SP110: variants seen among roughly 807,000 people sequenced by gnomAD.
SP110 encodes SP110 nuclear body protein, also known as interferon-induced protein 41, 30kD.
A neutral mutation model predicts 92.7 loss-of-function variants in SP110; 62 were observed. That is an observed-to-expected ratio of 0.67 (90% CI 0.55 to 0.83). SP110 has a LOEUF of 0.83. SP110 is among the 40% of genes least tolerant of loss of function. SP110 has a pLI of 0.00. For missense variants in SP110, 793 were observed against 863.9 expected, an observed-to-expected ratio of 0.92 and a Z score of 1.03; for synonymous variants, 273 against 305.3, an observed-to-expected ratio of 0.89 and a Z score of 1.10.
intron 8 of SP110, among the ~76,000 whole-genome samples, chr2:230,204,429 T>A (rs2043530580): frequency 6.6e-6 from 1 of 152,170 alleles, no homozygotes; most frequent in Non-Finnish European, 1.5e-5. Flanking sequence ...TATGGGATAA[T>A]AAGAATTTGG....
rs769837823 is a variant in SP110, at chr2:230,212,927, C to T, written c.417G>A (p.Leu139=). 17 of 1,613,862 alleles carry T rather than the reference C, an allele frequency of 1.1e-5. No homozygotes were observed. The East Asian group carries it at 3.8e-4, about 36-fold the overall frequency. The change falls in exon 4 of 19, where the codon CTG becomes CTA. Residue 139 remains leucine (L), a synonymous_variant. Transcript: ENST00000258381. ...TTGGTTGAGGGGGTTGTGGTGGGGGCAGCGCCAGTGGGGTATGGAGGGAGC... is the reference window on the plus strand; with the variant it reads ...TTGGTTGAGGGGGTTGTGGTGGGGGTAGCGCCAGTGGGGTATGGAGGGAGC... ...EGSSLHTPLA[L]PPPQPPQPSC...
chr2:230,192,477 C>A (rs974974456), intron 10 of SP110, among the ~76,000 whole-genome samples: 3 of 152,174 alleles, frequency 2.0e-5, no homozygotes, highest in East Asian at 3.9e-4. Flanking sequence ...CACAAGTATG[C>A]CTTTACACCA....
rs1284510256 is a variant in SP110 at position 230,165,897 on chromosome 2, T to TC, written c.*3226_*3227insG. Among the ~76,000 whole-genome samples the TC allele has an allele frequency of 6.1e-5, 9 of 147,886 alleles. No individual in the cohort carries two copies. The highest frequency in any genetic ancestry group is 6.1e-4 in the Admixed American group (9 of 14,832). The stretch of plus-strand genomic sequence containing the variant: ...CAGAAATAAGACCACCTATATAACT[T>TC]TTTTTTTTTTTTTTGAAACAGAGTC... On this transcript the variant is annotated 3_prime_UTR_variant, in exon 19 of 19. Transcript: ENST00000258381.
chr2:230,169,896 T>C (rs2078388032), intron 18 of SP110, among the ~76,000 whole-genome samples: 1 of 152,194 alleles, frequency 6.6e-6, no homozygotes, highest in Non-Finnish European at 1.5e-5. Context: ...TGAGTGGCTC[T>C]CTGGTCAACC....
At chr2:230,221,775 TC>T, upstream of SP110, 1 of 1,503,968 alleles carries the variant, frequency 6.6e-7, no homozygotes, top group South Asian at 1.2e-5. Context: ...AAGAACTTCT[TC>T]CTTTAGATCT....
chr2:230,213,692 T>C (rs921663403), intron 3 of SP110: 20 of 152,506 alleles, frequency 1.3e-4, no homozygotes, highest in African/African-American at 4.8e-4. Flanking sequence ...AAAAGGAAAG[T>C]AACTTCAAAT....
chr2:230,206,615 A>ATATG (rs1354034823), intron 8 of SP110, among the ~76,000 whole-genome samples: 1 of 78,148 alleles, frequency 1.3e-5, no homozygotes, highest in African/African-American at 3.9e-5. Flanking sequence ...ATATATATAT[A>ATATG]TATATATATA....
intron 10 of SP110, among the ~76,000 whole-genome samples, chr2:230,188,654 A>T (rs2042470085): frequency 6.6e-6 from 1 of 152,178 alleles, no homozygotes; most frequent in Admixed American, 6.5e-5. Context: ...ACTTTGAGGT[A>T]AGCCCCTTCT....
At chr2:230,221,287 A>C (rs545413180), upstream of SP110, among the ~76,000 whole-genome samples, 4 of 152,150 alleles carry the variant, frequency 2.6e-5, no homozygotes, top group African/African-American at 9.6e-5. Flanking sequence ...TCTCGAAAAA[A>C]AAAAAAAAAA....
intron 17 of SP110, 27 bp downstream of exon 17, chr2:230,171,669 G>A: frequency 6.3e-7 from 1 of 1,576,918 alleles, no homozygotes; most frequent in Non-Finnish European, 8.7e-7. Context: ...TGCATTTTAT[G>A]CAAGAGAACC....
At position 230,218,488 on chromosome 2, in the gene SP110, A is replaced by G. The variant is rs1399500831; in HGVS notation, c.-2+1386T>C. Among the ~76,000 whole-genome samples, 4 of 152,228 alleles carry G rather than the reference A, an allele frequency of 2.6e-5. No homozygotes were observed. In the South Asian group the frequency reaches 6.2e-4, roughly 24 times the overall value. Reference sequence around the variant, plus strand: ...TCCACAATATGCACAGGGGAAGGAGATAGTGCAAAGATCAGTGCAAAGTCA... The same window carrying G: ...TCCACAATATGCACAGGGGAAGGAGGTAGTGCAAAGATCAGTGCAAAGTCA... On this transcript the variant is annotated intron_variant, in intron 1 of 18. Coordinates refer to ENST00000258381, the MANE Select transcript of SP110 (RefSeq NM_080424.4).
At chr2:230,217,561 A>G (rs996299601) in intron 1 of SP110, among the ~76,000 whole-genome samples, 1 of 152,228 alleles carries the variant, frequency 6.6e-6, no homozygotes, top group African/African-American at 2.4e-5. Context: ...AGGGTTTCAT[A>G]TGCAGTAACT....
intron 3 of SP110, among the ~76,000 whole-genome samples, chr2:230,213,297 T>A (rs2044703714): frequency 6.6e-6 from 1 of 152,206 alleles, no homozygotes; most frequent in African/African-American, 2.4e-5. Flanking sequence ...TGAGTTTGGG[T>A]TTGTACCCAG....
chr2:230,194,982 G>C (rs1026223272), intron 10 of SP110, among the ~76,000 whole-genome samples: 2 of 152,170 alleles, frequency 1.3e-5, no homozygotes, highest in Admixed American at 1.3e-4. Context: ...GGTCATGCCA[G>C]CTGGTCAGGT....
rs1385377290 is a variant in SP110 at position 230,212,745 on chromosome 2, G to A, written c.583+16C>T. The A allele has an allele frequency of 2.5e-6, 4 of 1,613,644 alleles. No homozygotes were observed. Among genetic ancestry groups the A allele is most frequent in the African/African-American group, 1.3e-5 (1 of 74,908 alleles). ...GGCTGAGGATATACAGGTGTTGGAT[G>A]GGATCTGTTTCTCACCTGAAGTGCT... On this transcript the variant is annotated intron_variant, in intron 4 of 18. Coordinates refer to ENST00000258381, the MANE Select transcript of SP110 (RefSeq NM_080424.4).
At chr2:230,185,361 C>T (rs577565047) in intron 11 of SP110, among the ~76,000 whole-genome samples, 1 of 152,312 alleles carries the variant, frequency 6.6e-6, no homozygotes, top group East Asian at 1.9e-4. Context: ...AACCGTAATA[C>T]AAGCTACCAC....
Position 230,168,935 on chromosome 2 carries a change from G to A in SP110, c.*189C>T, listed in dbSNP as rs1244930745. The A allele has an allele frequency of 6.9e-6, 3 of 435,432 alleles. No homozygotes were observed. The highest frequency in any genetic ancestry group is 4.4e-5 in the African/African-American group (2 of 45,130). 27.0% of individuals were successfully genotyped at this position (435,432 alleles called of 1,614,324 possible). Reference sequence around the variant, plus strand: ...AGTATTAATTTTTTTTTTTTTTAGTGTAGATATAGACTTTTAAAGGTAAAA... The same window carrying A: ...AGTATTAATTTTTTTTTTTTTTAGTATAGATATAGACTTTTAAAGGTAAAA... On this transcript the variant is annotated 3_prime_UTR_variant, in exon 19 of 19. Coordinates refer to ENST00000258381, the MANE Select transcript of SP110 (RefSeq NM_080424.4).
rs200976999 is a variant in SP110 at position 230,211,592 on chromosome 2, G to C, written c.668-39C>G. On this transcript the variant is annotated intron_variant, in intron 5 of 18. Transcript: ENST00000258381. The surrounding 1 kb of genome is among the most constrained non-coding windows in gnomAD (Gnocchi z 4.2). ...GAAAAAGTTTTAGATCTCAGGAACA[G>C]CAAGCAGGGACCAGAATGAGGAGAA... 1 of 1,193,524 alleles carries C rather than the reference G, an allele frequency of 8.4e-7. No individual in the cohort carries two copies. The highest frequency in any genetic ancestry group is 1.3e-6 in the Non-Finnish European group (1 of 796,116). The allele number at this position is 1,193,524 out of a possible 1,614,324, so 73.9% of individuals were successfully genotyped here.
chr2:230,178,549 C>G (rs2041972843), intron 12 of SP110, among the ~76,000 whole-genome samples: 1 of 151,882 alleles, frequency 6.6e-6, no homozygotes, highest in African/African-American at 2.4e-5. Context: ...ACTGAATAGT[C>G]TTCTATTCTA....
Sources: gnomAD v4.1 joint callset for allele counts (sites outside exome capture counted in the v4.1 genomes callset) on GRCh38, gnomAD v4.1.1 for gene constraint, Gnocchi (gnomAD v3.1) non-coding constraint, MANE v1.5 for transcripts, NCBI Gene and HGNC (gene_info 2026-07-23, HGNC 2026-07-21) for gene names.